Variants in CACNA1S observed in about 807,000 individuals in gnomAD.
CACNA1S encodes calcium voltage-gated channel subunit alpha1 S.
Under a neutral mutation model 207.4 loss-of-function variants are expected in CACNA1S, and 126 were observed. That is an observed-to-expected ratio of 0.61 (90% CI 0.53 to 0.70). The LOEUF is 0.70. Among genes scored for constraint, CACNA1S ranks in the 30% least tolerant of loss-of-function variants. The pLI, the probability that CACNA1S is intolerant of heterozygous loss-of-function variation, is 0.00. For synonymous variants in CACNA1S, 960 were observed against 932.7 expected (o/e 1.03, Z -0.53); for missense variants, 2,349 against 2,422.8 (o/e 0.97, Z 0.64).
At chr1:201,040,489 G>A (rs1176574069) in intron 42 of CACNA1S, 115 bp from the exon 43 acceptor site, 5 of 1,449,988 alleles carry the variant, frequency 3.4e-6, no homozygotes, top group Non-Finnish European at 4.8e-6. Context: ...AGGGGAGGAT[G>A]GAGGGATCCC....
At chr1:201,052,030 TG>T (rs1347425394) in intron 32 of CACNA1S, among the ~76,000 whole-genome samples, 1 of 152,148 alleles carries the variant, frequency 6.6e-6, no homozygotes, top group African/African-American at 2.4e-5. Flanking sequence ...CATTCCACTG[TG>T]GGCCAGGAAG....
At chr1:201,103,935 C>G (rs972601007) in intron 2 of CACNA1S, among the ~76,000 whole-genome samples, 9 of 152,246 alleles carry the variant, frequency 5.9e-5, no homozygotes, top group Non-Finnish European at 1.2e-4. Context: ...GGGTGGGAAG[C>G]CACCCTGCAG....
At chr1:201,062,405 T>C (rs113815888) in intron 23 of CACNA1S, 57 bp downstream of exon 23, 5 of 1,521,832 alleles carry the variant, frequency 3.3e-6, no homozygotes, top group Non-Finnish European at 4.6e-6. Context: ...GCCCCGTGAC[T>C]GTCCCACCAT....
intron 34 of CACNA1S, among the ~76,000 whole-genome samples, chr1:201,050,134 T>C (rs996950201): frequency 3.3e-5 from 5 of 152,112 alleles, no homozygotes; most frequent in Admixed American, 2.6e-4. Flanking sequence ...GGTATATAGC[T>C]TCCTACTCCT....
chr1:201,083,149 C>A lies in CACNA1S; in HGVS notation c.1393+13G>T. On this transcript the variant is annotated intron_variant, in intron 10 of 43. Coordinates refer to ENST00000362061, the MANE Select transcript of CACNA1S (RefSeq NM_000069.3). ...ATGTGCCCTCCTCCCGGCTTCACTC[C>A]GTTCCGCCTCACCTTGCAAACGGGT... The A allele has an allele frequency of 6.2e-7, 1 of 1,613,778 alleles. No individual in the cohort carries two copies. The highest frequency in any genetic ancestry group is 8.5e-7 in the Non-Finnish European group (1 of 1,179,952).
chr1:201,106,710 C>T (rs1376723321), intron 2 of CACNA1S, among the ~76,000 whole-genome samples: 1 of 152,184 alleles, frequency 6.6e-6, no homozygotes, highest in Non-Finnish European at 1.5e-5. Context: ...TCCACCCTCA[C>T]CATCCCACAG....
intron 2 of CACNA1S, among the ~76,000 whole-genome samples, chr1:201,106,090 C>A (rs866325282): frequency 6.6e-6 from 1 of 152,228 alleles, no homozygotes; most frequent in South Asian, 2.1e-4. Context: ...CATCTGCAGT[C>A]TTGGTAAGTG....
At chr1:201,068,663 C>CA (rs1326708255) in intron 19 of CACNA1S, among the ~76,000 whole-genome samples, 12 of 151,708 alleles carry the variant, frequency 7.9e-5, no homozygotes, top group Non-Finnish European at 1.6e-4. Flanking sequence ...ACAAGGTCAG[C>CA]ATATCAAGAC....
At chr1:201,090,227 C>T (rs1483237207) in intron 5 of CACNA1S, among the ~76,000 whole-genome samples, 1 of 152,178 alleles carries the variant, frequency 6.6e-6, no homozygotes, top group African/African-American at 2.4e-5. Flanking sequence ...AAGTCAGAAG[C>T]CCCGATCCGA....
chr1:201,102,949 G>A (rs1662734156), intron 2 of CACNA1S, among the ~76,000 whole-genome samples: 1 of 152,162 alleles, frequency 6.6e-6, no homozygotes, highest in African/African-American at 2.4e-5. Flanking sequence ...GAGAAGGAAG[G>A]GAATGAACAT....
In CACNA1S at chr1:201,059,373, C is replaced by T. The variant is rs147538779; in HGVS notation, c.3415-74G>A. The T allele has an allele frequency of 4.8e-3, 4,312 of 899,596 alleles. 30 individuals carry two copies. Among genetic ancestry groups the T allele is most frequent in the African/African-American group, 7.5e-3 (458 of 60,782 alleles). The allele number at this position is 899,596 out of a possible 1,614,324, so 55.7% of individuals were successfully genotyped here. A position where few individuals can be genotyped will look rare whatever the true frequency, so the allele number is the denominator to read the frequency against. ...ACCCTGTAGATTGCATTCCCAGAGC[C>T]CCTGCCTCTTCCTGGGAAGCCCCCA... On this transcript the variant is annotated intron_variant, in intron 26 of 43. Transcript: ENST00000362061.
chr1:201,079,333 G>A (rs1025363598), intron 10 of CACNA1S, among the ~76,000 whole-genome samples: 1 of 151,828 alleles, frequency 6.6e-6, no homozygotes, highest in Non-Finnish European at 1.5e-5. Flanking sequence ...CAGGGGCATC[G>A]ATCTGCCACA....
Position 201,066,355 on chromosome 1 carries a change from G to A in CACNA1S, c.2658-39C>T, listed in dbSNP as rs1661241078. 6.5e-7 allele frequency: 1 copy of A among 1,547,202 alleles called. No individual in the cohort carries two copies. Among genetic ancestry groups the A allele is most frequent in the Admixed American group, 1.7e-5 (1 of 59,896 alleles). The stretch of plus-strand genomic sequence containing the variant: ...ATGGTGAGGGGGCTGAGGGCAGCCT[G>A]CTCCAGCCAGCCCAGTCTGCGGTGG... On this transcript the variant is annotated intron_variant, in intron 20 of 43. Transcript: ENST00000362061. This position sits in a 1 kb window ranked among gnomAD's most constrained non-coding sequence, Gnocchi z 4.3.
chr1:201,043,351 T>G lies in CACNA1S; in HGVS notation c.4978A>C (p.Asn1660His). ...DPRTNPLARA[N>H]TNNANANVAY... ...ACATTGGCGTTGGCATTGTTGGTAT[T>G]GGCACGAGCCAGGGGGTTGGTGCGT... The change falls in exon 40 of 44, where the codon AAT becomes CAT. Residue 1660 changes from asparagine (N) to histidine (H), a missense_variant. Asn to His is a moderately conservative substitution (Grantham distance 68). Transcript: ENST00000362061. 6.2e-7 allele frequency: 1 copy of G among 1,614,198 alleles called. No homozygotes were observed. Among genetic ancestry groups the G allele is most frequent in the Non-Finnish European group, 8.5e-7 (1 of 1,180,034 alleles).
chr1:201,049,186 A>G, intron 34 of CACNA1S, 87 bp from the exon 35 acceptor site: 1 of 914,666 alleles, frequency 1.1e-6, no homozygotes, highest in Non-Finnish European at 1.7e-6. Context: ...ATGGGAAAGA[A>G]AGCCAGGAAA....
intron 19 of CACNA1S, among the ~76,000 whole-genome samples, chr1:201,068,648 G>A (rs1035056976): frequency 2.6e-5 from 4 of 151,810 alleles, no homozygotes; most frequent in Admixed American, 6.6e-5. Context: ...TGAGGTGGGC[G>A]GATCACAAGG....
chr1:201,099,835 T>G (rs1018137573), intron 2 of CACNA1S, among the ~76,000 whole-genome samples: 1 of 152,130 alleles, frequency 6.6e-6, no homozygotes, highest in African/African-American at 2.4e-5. Context: ...TGCCTCAGGA[T>G]GGGTTTGTGG....
intron 12 of CACNA1S, among the ~76,000 whole-genome samples, chr1:201,076,085 C>G (rs945991964): frequency 6.6e-6 from 1 of 152,086 alleles, no homozygotes; most frequent in Non-Finnish European, 1.5e-5. Flanking sequence ...AAAACAAAAC[C>G]CCTATCCCAG....
rs975358583 is a variant in CACNA1S, at chr1:201,077,061, C to G, written c.1686G>C (p.Leu562=). The G allele has an allele frequency of 5.6e-6, 9 of 1,614,196 alleles. No homozygotes were observed. The highest frequency in any genetic ancestry group is 7.6e-6 in the Non-Finnish European group (9 of 1,180,034). ...LLNSIRSIAS[L]LLLLFLFIVI... ...CGATGAAGAGGAAGAGCAGCAGCAGCAGGGAGGCGATGGAGCGGATGGAGT... is the reference window on the plus strand; with the variant it reads ...CGATGAAGAGGAAGAGCAGCAGCAGGAGGGAGGCGATGGAGCGGATGGAGT... Residue 562 remains leucine (L), a synonymous_variant, in exon 12 of 44, where the codon CTG becomes CTC. Coordinates refer to ENST00000362061, the MANE Select transcript of CACNA1S (RefSeq NM_000069.3).
Sources: allele counts gnomAD v4.1 joint callset (sites outside exome capture counted in the v4.1 genomes callset), GRCh38; gene constraint gnomAD v4.1.1; non-coding constraint Gnocchi (gnomAD v3.1); transcripts MANE v1.5; gene names NCBI Gene and HGNC (gene_info 2026-07-23, HGNC 2026-07-21).